CAMTA1: variants seen among roughly 807,000 people sequenced by gnomAD.
The protein encoded by CAMTA1 is calmodulin binding transcription activator 1.
A neutral mutation model predicts 170.9 loss-of-function variants in CAMTA1; 27 were observed. The observed-to-expected ratio is 0.16, with a 90% CI of 0.12 to 0.22. The LOEUF (loss-of-function observed/expected upper bound fraction) is 0.22. CAMTA1 is among the 10% of genes least tolerant of loss of function. The pLI, the probability that CAMTA1 is intolerant of heterozygous loss-of-function variation, is 1.00. For synonymous variants in CAMTA1, 833 were observed against 891.5 expected, an observed-to-expected ratio of 0.93 and a Z score of 1.17; for missense variants, 1,619 against 2,217.2, an observed-to-expected ratio of 0.73 and a Z score of 5.42.
intron 4 of CAMTA1, among the ~76,000 whole-genome samples, chr1:7,130,917 A>G (rs987183466): frequency 6.6e-6 from 1 of 150,814 alleles, no homozygotes; most frequent in East Asian, 1.9e-4. Flanking sequence ...TTGGATATAT[A>G]TTTTACAGAT....
At chr1:6,907,776 CA>C (rs1678857077) in intron 3 of CAMTA1, among the ~76,000 whole-genome samples, 1 of 152,184 alleles carries the variant, frequency 6.6e-6, no homozygotes, top group Non-Finnish European at 1.5e-5. Flanking sequence ...ACTGGCAGAC[CA>C]GTCAGCCCTC....
In CAMTA1 at chr1:7,570,183, G is replaced by T. The variant is rs1352459786; in HGVS notation, c.511-70217G>T. 1.3e-5 allele frequency among the ~76,000 whole-genome samples: 2 copies of T among 152,140 alleles called. No homozygotes were observed. The highest frequency in any genetic ancestry group is 2.4e-5 in the African/African-American group (1 of 41,424). On this transcript the variant is annotated intron_variant, in intron 6 of 22. Transcript: ENST00000303635. The surrounding 1 kb of genome is among the most constrained non-coding windows in gnomAD (Gnocchi z 4.3). The stretch of plus-strand genomic sequence containing the variant: ...GGGATCCAAAACTCCCTGCAGGACT[G>T]GTTGCCCCTCACGCCACCTCCTTCC...
At chr1:7,716,399 G>A (rs978977806) in intron 11 of CAMTA1, among the ~76,000 whole-genome samples, 1 of 151,980 alleles carries the variant, frequency 6.6e-6, no homozygotes, top group Non-Finnish European at 1.5e-5. Flanking sequence ...ATAAAATATT[G>A]GACAGATATT....
intron 1 of CAMTA1, among the ~76,000 whole-genome samples, chr1:6,800,014 G>A (rs1480697294): frequency 1.3e-5 from 2 of 152,074 alleles, no homozygotes; most frequent in Admixed American, 6.6e-5. Context: ...CAAGCTGTAT[G>A]GGGGGATTTG....
chr1:7,119,205 T>C (rs1644504379), intron 4 of CAMTA1, among the ~76,000 whole-genome samples: 1 of 152,166 alleles, frequency 6.6e-6, no homozygotes, highest in Non-Finnish European at 1.5e-5. Context: ...TTAAAACGAC[T>C]CCTTTGGTGC....
At chr1:7,225,636 AC>A in intron 4 of CAMTA1, among the ~76,000 whole-genome samples, 1 of 152,250 alleles carries the variant, frequency 6.6e-6, no homozygotes, top group African/African-American at 2.4e-5. Flanking sequence ...GTTGACAGCT[AC>A]CCCAGAGGAA....
Position 7,186,203 on chromosome 1 carries a change from A to C in CAMTA1, c.303-63288A>C, listed in dbSNP as rs369710612. On this transcript the variant is annotated intron_variant, in intron 4 of 22. Transcript: ENST00000303635. ...GAGAGAGAGGGAAGGAAGGGTAAAG[A>C]AAGCAAATGAGATAAAGACATTTGG... Among the ~76,000 whole-genome samples, 3 of 152,214 alleles carry C rather than the reference A, an allele frequency of 2.0e-5. No homozygotes were observed. The East Asian group carries it at 5.8e-4, about 29-fold the overall frequency.
chr1:6,800,210 A>G (rs1256345556), intron 1 of CAMTA1, among the ~76,000 whole-genome samples: 4 of 152,236 alleles, frequency 2.6e-5, no homozygotes, highest in African/African-American at 2.4e-5. Flanking sequence ...GTTCGAGACC[A>G]GCCTGGGCAA....
At chr1:6,946,043 CA>C (rs747096606) in intron 3 of CAMTA1, among the ~76,000 whole-genome samples, 1 of 152,156 alleles carries the variant, frequency 6.6e-6, no homozygotes, top group African/African-American at 2.4e-5. Flanking sequence ...ATTGCTCGGT[CA>C]CATGGCAACT....
At chr1:7,479,193 T>C (rs1187215446) in intron 6 of CAMTA1, among the ~76,000 whole-genome samples, 2 of 152,218 alleles carry the variant, frequency 1.3e-5, no homozygotes, top group East Asian at 1.9e-4. Flanking sequence ...AATATTTCAG[T>C]GGCTCTCGGG....
chr1:7,243,729 A>G (rs994448330), intron 4 of CAMTA1, among the ~76,000 whole-genome samples: 3 of 152,192 alleles, frequency 2.0e-5, no homozygotes, highest in Non-Finnish European at 2.9e-5. Flanking sequence ...TTGGTTCCAT[A>G]TGAACTTTAA....
chr1:7,664,366 C>G lies in CAMTA1; in HGVS notation c.1819C>G (p.His607Asp). Residue 607 changes from histidine to aspartate, a missense_variant, in exon 9 of 23, where the codon CAC (histidine) becomes GAC (aspartate). His to Asp is a moderately conservative substitution (Grantham distance 81). This residue lies in a region of CAMTA1 where 731 missense variants were observed against 907.6 expected (regional missense o/e 0.81). Transcript: ENST00000303635. ...SSFSQTGHSP[H>D]IHQTPSPSFF... is the part of the protein sequence containing the mutation. Reference sequence around the variant, plus strand: ...CTTCAGCCAGACGGGCCACAGCCCCCACATCCACCAGACCCCCTCCCCGAG... The same window carrying G: ...CTTCAGCCAGACGGGCCACAGCCCCGACATCCACCAGACCCCCTCCCCGAG... 1 of 1,613,768 alleles carries G rather than the reference C, an allele frequency of 6.2e-7. No individual in the cohort carries two copies. The highest frequency in any genetic ancestry group is 8.5e-7 in the Non-Finnish European group (1 of 1,180,036).
rs139822271 is a variant in CAMTA1, at chr1:7,036,047, G to A, written c.235-55257G>A. ...ATATTTGTTGTTTATGGACGCCTAC[G>A]TATATAGTAAATAAAAACTAAATGG... On this transcript the variant is annotated intron_variant, in intron 3 of 22. Transcript: ENST00000303635. Among the ~76,000 whole-genome samples, 393 of 152,270 alleles carry A rather than the reference G, an allele frequency of 2.6e-3. 1 individual carries two copies. Among genetic ancestry groups the A allele is most frequent in the African/African-American group, 9.0e-3 (373 of 41,550 alleles).
At chr1:7,750,497 G>T (rs1321920531) in intron 19 of CAMTA1, among the ~76,000 whole-genome samples, 1 of 152,220 alleles carries the variant, frequency 6.6e-6, no homozygotes, top group Non-Finnish European at 1.5e-5. Context: ...CCTAGAGACT[G>T]ATGTTGAGAA....
At chr1:7,569,139 C>T (rs980199117) in intron 6 of CAMTA1, among the ~76,000 whole-genome samples, 1 of 151,790 alleles carries the variant, frequency 6.6e-6, no homozygotes, top group African/African-American at 2.4e-5. Context: ...CCATCATCAT[C>T]ACCACGATCA....
intron 6 of CAMTA1, among the ~76,000 whole-genome samples, chr1:7,526,768 G>A (rs892386537): frequency 1.3e-5 from 2 of 152,188 alleles, no homozygotes; most frequent in Non-Finnish European, 2.9e-5. Flanking sequence ...GCCAGGCCAG[G>A]GCCTGCCCAG....
intron 3 of CAMTA1, among the ~76,000 whole-genome samples, chr1:6,864,365 C>G (rs572865484): frequency 1.4e-4 from 22 of 152,184 alleles, no homozygotes; most frequent in Non-Finnish European, 2.8e-4. Context: ...TGCTTGTGCC[C>G]TTGCCTTCTC....
At chr1:7,139,006 T>A (rs77064838) in intron 4 of CAMTA1, among the ~76,000 whole-genome samples, 37,127 of 143,148 alleles carry the variant, frequency 0.26, 5,165 homozygotes, top group Middle Eastern at 0.37. Context: ...AAAAAATATA[T>A]ATATATATAT....
chr1:7,624,418 G>A (rs557295211), intron 6 of CAMTA1, among the ~76,000 whole-genome samples: 7 of 152,310 alleles, frequency 4.6e-5, no homozygotes, highest in Admixed American at 1.3e-4. Context: ...AATCATCCTG[G>A]TATACCACTG....
Sources: gnomAD v4.1 joint callset for allele counts (sites outside exome capture counted in the v4.1 genomes callset) on GRCh38, gnomAD v4.1.1 for gene constraint, gnomAD v4.1.1 regional missense constraint, Gnocchi (gnomAD v3.1) non-coding constraint, MANE v1.5 for transcripts, NCBI Gene and HGNC (gene_info 2026-07-23, HGNC 2026-07-21) for gene names.